Variants in TMEM80 observed in about 807,000 individuals in gnomAD.
TMEM80 encodes the protein transmembrane protein 80.
A neutral mutation model predicts 13.6 loss-of-function variants in TMEM80; 16 were observed. That is an observed-to-expected ratio of 1.17 (90% CI 0.79 to 1.78). TMEM80 has a LOEUF of 1.78. TMEM80 is among the 40% of genes most tolerant of loss of function. TMEM80 has a pLI of 0.00. For missense variants in TMEM80, 167 were observed against 184.6 expected (o/e 0.90, Z 0.55); for synonymous variants, 92 against 89.5 (o/e 1.03, Z -0.16).
chr11:701,289 C>G (rs1337834036), intron 4 of TMEM80, among the ~76,000 whole-genome samples: 1 of 152,226 alleles, frequency 6.6e-6, no homozygotes, highest in African/African-American at 2.4e-5. Context: ...GAGCGATCCT[C>G]CTGCCTCAGC....
At chr11:698,766 C>T in intron 1 of TMEM80, 103 bp from the exon 2 acceptor site, 1 of 1,382,000 alleles carries the variant, frequency 7.2e-7, no homozygotes, top group Admixed American at 1.7e-5. Context: ...AATACGAGAT[C>T]AAAGGAAAAT....
chr11:703,484 C>T lies in TMEM80; in HGVS notation c.*334C>T, dbSNP rs1861593464. ...CACAGACCCCCATGGGCCCCCAGGG[C>T]CGAGAGGGAGGACAGAGCCCTTCAG... On this transcript the variant is annotated 3_prime_UTR_variant, in exon 5 of 5. Transcript: ENST00000397510. 3.2e-6 allele frequency: 4 copies of T among 1,257,376 alleles called. 1 individual carries two copies. The South Asian group carries it at 1.4e-4, about 43-fold the overall frequency. The allele number at this position is 1,257,376 out of a possible 1,614,324, so 77.9% of individuals were successfully genotyped here. A position where few individuals can be genotyped will look rare whatever the true frequency, so the allele number is the denominator to read the frequency against.
rs1861411059 is a variant in TMEM80 at position 700,666 on chromosome 11, T to A, written c.185T>A (p.Leu62Gln). 1 of 1,614,200 alleles carries A rather than the reference T, an allele frequency of 6.2e-7. No homozygotes were observed. Among genetic ancestry groups the A allele is most frequent in the East Asian group, 2.2e-5 (1 of 44,882 alleles). Residue 62 changes from leucine (L) to glutamine (Q), a missense_variant, in exon 4 of 5, where the codon CTG becomes CAG. By Grantham distance (113) the Leu-to-Gln change is moderately radical. Coordinates refer to ENST00000397510, the MANE Select transcript of TMEM80 (RefSeq NM_001042463.3). ...TACCTGGTCCTCGATCTTGCTCTGC[T>A]GTTTCTGATGGGGATTCTAGAAGCA... Reference protein sequence around the residue: ...HRYLVLDLALLFLMGILEAVR... With the variant: ...HRYLVLDLALQFLMGILEAVR...
At chr11:704,475 C>T, downstream of TMEM80, 1 of 1,289,384 alleles carries the variant, frequency 7.8e-7, no homozygotes, top group South Asian at 1.2e-5. Context: ...GCCCTGAGGA[C>T]CCACTTCACA....
chr11:700,792 G>A (rs759353427), intron 4 of TMEM80, 85 bp downstream of exon 4: 8 of 1,297,816 alleles, frequency 6.2e-6, no homozygotes, highest in Non-Finnish European at 9.0e-6. Flanking sequence ...TTATTTTATA[G>A]TGTGGTTCTC....
chr11:700,588 T>A (rs759989462), intron 3 of TMEM80, 27 bp from the exon 4 acceptor site: 1 of 1,594,324 alleles, frequency 6.3e-7, no homozygotes, highest in Non-Finnish European at 8.6e-7. Context: ...AGGTTACTTA[T>A]GTTCCGTCCG....
chr11:704,253 C>A, downstream of TMEM80: 1 of 763,006 alleles, frequency 1.3e-6, no homozygotes, highest in Non-Finnish European at 1.8e-6. Context: ...GGCTGCCGGG[C>A]GCCTTCCGCT....
At chr11:704,185 G>GTGGGGTGTGCTCTCTTGC, downstream of TMEM80, 1 of 1,064,902 alleles carries the variant, frequency 9.4e-7, no homozygotes, top group Non-Finnish European at 1.2e-6. Flanking sequence ...TGCCCTGCAA[G>GTGGGGTGTGCTCTCTTGC]AGAGCACACC....
At chr11:700,399 C>T (rs758590384) in intron 3 of TMEM80, among the ~76,000 whole-genome samples, 164 bp downstream of exon 3, 38 of 151,856 alleles carry the variant, frequency 2.5e-4, no homozygotes, top group South Asian at 6.2e-4. Flanking sequence ...TGGTGGTGGG[C>T]GCCTGTAGTC....
intron 4 of TMEM80, among the ~76,000 whole-genome samples, chr11:702,042 G>A (rs1861521145): frequency 6.6e-6 from 1 of 152,190 alleles, no homozygotes; most frequent in Non-Finnish European, 1.5e-5. Context: ...CTGTGCCCCT[G>A]CCAGGCTGGA....
At chr11:696,035 C>T (rs758077425) in intron 1 of TMEM80, among the ~76,000 whole-genome samples, 189 bp downstream of exon 1, 20 of 151,970 alleles carry the variant, frequency 1.3e-4, no homozygotes, top group Non-Finnish European at 2.2e-4. Flanking sequence ...GCGTCCTGCA[C>T]CCCGAAGAGC....
Position 695,842 on chromosome 11 carries a change from G to A in TMEM80, c.15G>A (p.Arg5=), listed in dbSNP as rs7928305. 214,586 of 1,231,456 alleles carry A rather than the reference G, an allele frequency of 0.17. 19,914 individuals carry two copies. Among genetic ancestry groups the A allele is most frequent in the African/African-American group, 0.34 (21,766 of 64,388 alleles). The allele number at this position is 1,231,456 out of a possible 1,614,324, so 76.3% of individuals were successfully genotyped here. A position where few individuals can be genotyped will look rare whatever the true frequency, so the allele number is the denominator to read the frequency against. MAAP[R]RGRGSSTVLS... The stretch of plus-strand genomic sequence containing the variant: ...GGGCGGGTAAGATGGCGGCCCCGCG[G>A]CGAGGTGAGCTCGGGCGGGGTGGGG... The change falls in exon 1 of 5, where the codon CGG becomes CGA. Residue 5 remains arginine, a synonymous_variant. Coordinates refer to ENST00000397510, the MANE Select transcript of TMEM80 (RefSeq NM_001042463.3).
intron 4 of TMEM80, among the ~76,000 whole-genome samples, chr11:701,572 G>A (rs533167052): frequency 4.0e-5 from 6 of 151,786 alleles, no homozygotes; most frequent in East Asian, 1.9e-4. Context: ...CACCACGCCC[G>A]GCTCATTTTT....
chr11:697,253 C>T (rs1415770182), intron 1 of TMEM80, among the ~76,000 whole-genome samples: 8 of 151,890 alleles, frequency 5.3e-5, no homozygotes, highest in African/African-American at 1.7e-4. Flanking sequence ...AACCCTGTCT[C>T]TAAAAAAACT....
Position 703,829 on chromosome 11 carries a change from C to G in TMEM80, c.*679C>G. On this transcript the variant is annotated 3_prime_UTR_variant, in exon 5 of 5. Coordinates refer to ENST00000397510, the MANE Select transcript of TMEM80 (RefSeq NM_001042463.3). ...TTCGGAGGAGAGGTCAGGGCTAAGGCCGGGGATGAGACTGCAGGAGAGAGA... is the reference window on the plus strand; with the variant it reads ...TTCGGAGGAGAGGTCAGGGCTAAGGGCGGGGATGAGACTGCAGGAGAGAGA... 1 of 1,234,986 alleles carries G rather than the reference C, an allele frequency of 8.1e-7. No individual in the cohort carries two copies. The highest frequency in any genetic ancestry group is 3.2e-5 in the East Asian group (1 of 31,738). The allele number at this position is 1,234,986 out of a possible 1,614,324, so 76.5% of individuals were successfully genotyped here.
chr11:700,265 G>A (rs757199521), intron 3 of TMEM80, 30 bp downstream of exon 3: 44 of 1,589,886 alleles, frequency 2.8e-5, no homozygotes, highest in Middle Eastern at 3.3e-4. Flanking sequence ...AGTGGCTCAC[G>A]CCTGTAATCC....
intron 4 of TMEM80, among the ~76,000 whole-genome samples, chr11:702,532 G>A (rs529710048): frequency 2.0e-5 from 3 of 152,358 alleles, no homozygotes; most frequent in South Asian, 2.1e-4. Flanking sequence ...ATACATACTC[G>A]TGAAATTTTC....
rs1417966856 is a variant in TMEM80, at chr11:703,994, C to G, written c.*844C>G. ...ACTATCAGTTCTCCTTAAAAAGTATCTAAGCTGTTACAGTAGCTTTCCCTT... is the reference window on the plus strand; with the variant it reads ...ACTATCAGTTCTCCTTAAAAAGTATGTAAGCTGTTACAGTAGCTTTCCCTT... On this transcript the variant is annotated 3_prime_UTR_variant, in exon 5 of 5. Coordinates refer to ENST00000397510, the MANE Select transcript of TMEM80 (RefSeq NM_001042463.3). 2.5e-6 allele frequency: 3 copies of G among 1,223,814 alleles called. No individual in the cohort carries two copies. Among genetic ancestry groups the G allele is most frequent in the African/African-American group, 3.1e-5 (2 of 64,332 alleles). 75.8% of individuals were successfully genotyped at this position (1,223,814 alleles called of 1,614,324 possible).
At chr11:704,423 A>G, downstream of TMEM80, 2 of 1,285,660 alleles carry the variant, frequency 1.6e-6, no homozygotes, top group Non-Finnish European at 2.0e-6. Context: ...ACTTCCTTTG[A>G]CCTGTCTGTG....
Sources: gnomAD v4.1 joint callset for allele counts (sites outside exome capture counted in the v4.1 genomes callset) on GRCh38, gnomAD v4.1.1 for gene constraint, MANE v1.5 for transcripts, NCBI Gene and HGNC (gene_info 2026-07-23, HGNC 2026-07-21) for gene names.